CEP112: variants seen among roughly 807,000 people sequenced by gnomAD.
The protein encoded by CEP112 is centrosomal protein of 112 kDa.
A neutral mutation model predicts 153.0 loss-of-function variants in CEP112; 127 were observed. The observed-to-expected ratio is 0.83, with a 90% CI of 0.72 to 0.96. The LOEUF (loss-of-function observed/expected upper bound fraction) is 0.96, where lower values mean the gene tolerates loss of function less well. Among genes scored for constraint, CEP112 ranks in the 40% least tolerant of loss-of-function variants. The pLI is 0.00. For missense variants in CEP112, 1,089 were observed against 1,101.2 expected (o/e 0.99, Z 0.16); for synonymous variants, 358 against 374.4 (o/e 0.96, Z 0.51).
At chr17:65,985,487 G>A (rs2063374644) in intron 17 of CEP112, among the ~76,000 whole-genome samples, 1 of 152,178 alleles carries the variant, frequency 6.6e-6, no homozygotes, top group Admixed American at 6.5e-5. Context: ...CCACTTGTCA[G>A]TCTAAAAGTG....
intron 12 of CEP112, among the ~76,000 whole-genome samples, chr17:66,039,236 C>T (rs542599680): frequency 6.6e-6 from 1 of 152,176 alleles, no homozygotes; most frequent in Non-Finnish European, 1.5e-5. Flanking sequence ...GTCTTTTCAT[C>T]GTACAACATC....
At chr17:66,100,400 C>CA (rs1256654244) in intron 6 of CEP112, among the ~76,000 whole-genome samples, 1,048 of 68,316 alleles carry the variant, frequency 0.015, 10 homozygotes, top group African/African-American at 0.056. Context: ...ATTCCCGTCT[C>CA]AAAAAACAGA....
chr17:66,177,419 TTAAA>T (rs1175954600), intron 2 of CEP112, among the ~76,000 whole-genome samples: 8 of 151,524 alleles, frequency 5.3e-5, no homozygotes, highest in Non-Finnish European at 7.4e-5. Context: ...TAGATTATCA[TTAAA>T]TAACTTTAAT....
intron 23 of CEP112, among the ~76,000 whole-genome samples, chr17:65,692,770 C>G (rs918767317): frequency 6.6e-5 from 10 of 152,156 alleles, no homozygotes; most frequent in African/African-American, 2.2e-4. Context: ...CATGCAACTG[C>G]AGCTCAGGGC....
intron 12 of CEP112, among the ~76,000 whole-genome samples, chr17:66,038,767 G>C (rs1677868790): frequency 6.6e-6 from 1 of 152,158 alleles, no homozygotes; most frequent in Non-Finnish European, 1.5e-5. Flanking sequence ...TGGAAAACTA[G>C]GTTGGACTTC....
chr17:65,710,311 G>A (rs1292325516), intron 23 of CEP112, among the ~76,000 whole-genome samples: 1 of 152,092 alleles, frequency 6.6e-6, no homozygotes, highest in African/African-American at 2.4e-5. Context: ...CAGCTTTATT[G>A]GACTTCATGG....
chr17:65,669,857 C>G (rs980439267), intron 24 of CEP112, among the ~76,000 whole-genome samples: 3 of 150,056 alleles, frequency 2.0e-5, no homozygotes, highest in Non-Finnish European at 2.9e-5. Flanking sequence ...GAGCCGAGAT[C>G]GCGCCACTGC....
chr17:65,694,546 TTTAGAAATGACTTTCG>T (rs1008733644), intron 23 of CEP112, among the ~76,000 whole-genome samples: 85 of 152,336 alleles, frequency 5.6e-4, no homozygotes, highest in African/African-American at 2.0e-3. Flanking sequence ...AGCAGTTGTA[TTTAGAAATGACTTTCG>T]TTACCTATTA....
At chr17:66,013,823 C>A (rs1276351229) in intron 16 of CEP112, among the ~76,000 whole-genome samples, 1 of 151,948 alleles carries the variant, frequency 6.6e-6, no homozygotes. Context: ...AGCAGTGGCA[C>A]CATGGAGGGG....
chr17:65,713,268 A>C (rs1464118854), intron 23 of CEP112, among the ~76,000 whole-genome samples: 3 of 152,222 alleles, frequency 2.0e-5, no homozygotes, highest in African/African-American at 7.2e-5. Flanking sequence ...GAAATCATTA[A>C]AATTATTACG....
chr17:65,949,864 G>A (rs1320248800), intron 18 of CEP112, among the ~76,000 whole-genome samples: 1 of 151,992 alleles, frequency 6.6e-6, no homozygotes, highest in South Asian at 2.1e-4. Flanking sequence ...TATCTCCGGG[G>A]CTTTCAATTC....
intron 4 of CEP112, among the ~76,000 whole-genome samples, chr17:66,168,509 ATGTG>A (rs1209355747): frequency 6.8e-6 from 1 of 147,892 alleles, no homozygotes; most frequent in Non-Finnish European, 1.5e-5. Context: ...ATATGTATAT[ATGTG>A]TGTGTATATA....
intron 17 of CEP112, among the ~76,000 whole-genome samples, chr17:65,966,325 T>G (rs566139216): frequency 1.1e-3 from 172 of 152,292 alleles, no homozygotes; most frequent in Non-Finnish European, 2.1e-3. Context: ...GGATGACAGT[T>G]TAGTATTTTT....
intron 13 of CEP112, 126 bp downstream of exon 13, chr17:66,029,743 A>G (rs934805389): frequency 3.9e-5 from 23 of 596,852 alleles, no homozygotes; most frequent in Non-Finnish European, 5.7e-5. Flanking sequence ...AACAAACAGC[A>G]GTATTTAGAT....
Position 66,023,792 on chromosome 17 carries a change from A to C in CEP112, c.1656+3709T>G, listed in dbSNP as rs138821236. Among the ~76,000 whole-genome samples the C allele has an allele frequency of 1.8e-4, 27 of 152,326 alleles. 1 individual carries two copies. The East Asian group carries it at 4.8e-3, about 27-fold the overall frequency. ...AGAAAAAAACTCACATATGAATATT[A>C]GCCTTGAATGCAAATGGAATGAATG... is the stretch of plus-strand genomic sequence containing the variant. On this transcript the variant is annotated intron_variant, in intron 16 of 26. Coordinates refer to ENST00000535342, the MANE Select transcript of CEP112 (RefSeq NM_001199165.4).
intron 6 of CEP112, 105 bp from the exon 7 acceptor site, chr17:66,096,737 A>T: frequency 1.4e-6 from 1 of 725,660 alleles, no homozygotes; most frequent in Non-Finnish European, 2.3e-6. Flanking sequence ...CATTTTCTAG[A>T]TTCTTAATAT....
At chr17:65,798,078 T>C (rs2055043793) in intron 21 of CEP112, among the ~76,000 whole-genome samples, 1 of 152,010 alleles carries the variant, frequency 6.6e-6, no homozygotes, top group South Asian at 2.1e-4. Context: ...CTAGCTGAGT[T>C]TGCAGAGCTT....
chr17:66,143,624 G>A (rs1302205525), intron 4 of CEP112, among the ~76,000 whole-genome samples: 4 of 152,170 alleles, frequency 2.6e-5, no homozygotes, highest in African/African-American at 7.2e-5. Flanking sequence ...ACAGAAAGGT[G>A]CAAAATTTTT....
chr17:66,084,134 C>T (rs982125492), intron 8 of CEP112, among the ~76,000 whole-genome samples: 1 of 151,990 alleles, frequency 6.6e-6, no homozygotes, highest in Admixed American at 6.6e-5. Flanking sequence ...AGTTAAAATG[C>T]CTTTTATCCA....
Sources: allele counts gnomAD v4.1 joint callset (sites outside exome capture counted in the v4.1 genomes callset), GRCh38; gene constraint gnomAD v4.1.1; transcripts MANE v1.5; gene names NCBI Gene and HGNC (gene_info 2026-07-23, HGNC 2026-07-21).